Variants in TPST1 observed in about 807,000 individuals in gnomAD.
TPST1 encodes protein-tyrosine sulfotransferase 1.
In TPST1, 20 loss-of-function variants were observed where a neutral mutation model predicts 34.8. The ratio of observed to expected loss-of-function variants is 0.57; its 90% CI spans 0.40 to 0.84. The LOEUF (loss-of-function observed/expected upper bound fraction) is 0.84, where lower values mean the gene tolerates loss of function less well. Ranked by LOEUF, TPST1 falls within the 40% of genes least tolerant of loss-of-function variation. The pLI, the probability that TPST1 is intolerant of heterozygous loss-of-function variation, is 0.00. For synonymous variants in TPST1, 152 were observed against 159.4 expected (o/e 0.95, Z 0.35); for missense variants, 353 against 455.5 (o/e 0.78, Z 2.05).
chr7:66,270,713 T>C (rs1467070265), intron 2 of TPST1, among the ~76,000 whole-genome samples: 4 of 152,250 alleles, frequency 2.6e-5, no homozygotes, highest in African/African-American at 9.6e-5. Context: ...ATCGAACTGC[T>C]GATTATCCAG....
At chr7:66,203,578 C>A (rs540264342), upstream of TPST1, among the ~76,000 whole-genome samples, 1 of 151,800 alleles carries the variant, frequency 6.6e-6, no homozygotes, top group Admixed American at 6.6e-5. Context: ...CTCCACCTCC[C>A]GGGTTCACGC....
intron 5 of TPST1, 33 bp downstream of exon 5, chr7:66,356,904 G>C: frequency 3.7e-6 from 6 of 1,612,102 alleles, no homozygotes; most frequent in Non-Finnish European, 5.1e-6. Flanking sequence ...AGGTCTTTCT[G>C]TTTCCCACTC....
At chr7:66,267,820 A>G (rs986198497) in intron 2 of TPST1, among the ~76,000 whole-genome samples, 7 of 152,214 alleles carry the variant, frequency 4.6e-5, no homozygotes, top group African/African-American at 1.4e-4. Context: ...TCCTGCCCTT[A>G]TGGAACATAT....
upstream of TPST1, among the ~76,000 whole-genome samples, chr7:66,203,617 C>A (rs1222564170): frequency 6.6e-6 from 1 of 151,878 alleles, no homozygotes; most frequent in African/African-American, 2.4e-5. Flanking sequence ...TCCCGAGTAG[C>A]TGGGACTACA....
In TPST1 at chr7:66,268,925, C is replaced by T. The variant is rs59300847; in HGVS notation, c.846-17586C>T. ...GCTGAACTCCTGACTTCAGGTGATCCGCCTGCCTTGGCCTCCCAAAGTGCT... is the reference window on the plus strand; with the variant it reads ...GCTGAACTCCTGACTTCAGGTGATCTGCCTGCCTTGGCCTCCCAAAGTGCT... On this transcript the variant is annotated intron_variant, in intron 2 of 5. Coordinates refer to ENST00000304842, the MANE Select transcript of TPST1 (RefSeq NM_003596.4). 3.1e-3 allele frequency among the ~76,000 whole-genome samples: 469 copies of T among 152,240 alleles called. 2 individuals carry two copies. Among genetic ancestry groups the T allele is most frequent in the African/African-American group, 0.011 (448 of 41,544 alleles).
intron 3 of TPST1, among the ~76,000 whole-genome samples, chr7:66,319,884 C>A (rs142835515): frequency 0.013 from 2,029 of 152,194 alleles, 25 homozygotes; most frequent in Admixed American, 0.029. Context: ...TTTTTCTTTC[C>A]AGGGAGGCAT....
chr7:66,346,663 C>T (rs1211242245), intron 3 of TPST1, among the ~76,000 whole-genome samples: 2 of 152,146 alleles, frequency 1.3e-5, no homozygotes, highest in Non-Finnish European at 2.9e-5. Context: ...ATCTTTTGCC[C>T]ATTTTTTATT....
intron 1 of TPST1, among the ~76,000 whole-genome samples, chr7:66,221,395 GTT>G (rs2116288706): frequency 6.6e-6 from 1 of 152,290 alleles, no homozygotes; most frequent in South Asian, 2.1e-4. Flanking sequence ...AGGTTCCCTG[GTT>G]TTAAGCTTGA....
intron 3 of TPST1, among the ~76,000 whole-genome samples, chr7:66,324,820 A>ACC (rs1562845086): frequency 7.1e-6 from 1 of 139,984 alleles, no homozygotes; most frequent in African/African-American, 2.7e-5. Context: ...AAAAAAAAAA[A>ACC]AAAAAAAAAA....
intron 2 of TPST1, among the ~76,000 whole-genome samples, chr7:66,255,471 A>G (rs890835120): frequency 6.6e-6 from 1 of 152,244 alleles, no homozygotes; most frequent in African/African-American, 2.4e-5. Flanking sequence ...TCCCAATACC[A>G]ACAGTTAACT....
At position 66,286,688 on chromosome 7, in the gene TPST1, A is replaced by T; in HGVS notation, c.1023A>T (p.Lys341Asn). Reference sequence around the variant, plus strand: ...CTAACTACGGAAAACCTGATCCCAAAATTATTGAAAACACTCGAAGGGTAA... The same window carrying T: ...CTAACTACGGAAAACCTGATCCCAATATTATTGAAAACACTCGAAGGGTAA... Reference protein sequence around the residue: ...NPPNYGKPDPKIIENTRRVYK... With the variant: ...NPPNYGKPDPNIIENTRRVYK... The change falls in exon 3 of 6, where the codon AAA becomes AAT. Residue 341 changes from lysine to asparagine, a missense_variant. By Grantham distance (94) the Lys-to-Asn change is moderately conservative. Transcript: ENST00000304842. 1 of 1,578,164 alleles carries T rather than the reference A, an allele frequency of 6.3e-7. No individual in the cohort carries two copies. The highest frequency in any genetic ancestry group is 8.6e-7 in the Non-Finnish European group (1 of 1,160,550).
chr7:66,325,573 C>T (rs1053406724), intron 3 of TPST1, among the ~76,000 whole-genome samples: 6 of 151,514 alleles, frequency 4.0e-5, no homozygotes, highest in African/African-American at 1.2e-4. Flanking sequence ...CCCACCTCAC[C>T]CTCCTAAGTA....
intron 3 of TPST1, among the ~76,000 whole-genome samples, chr7:66,347,079 T>TTG (rs1475371334): frequency 7.7e-6 from 1 of 129,340 alleles, no homozygotes; most frequent in Non-Finnish European, 1.6e-5. Context: ...TTTTTTTTTT[T>TTG]TTTTTTGAGA....
At chr7:66,340,781 T>C (rs1294259870) in intron 3 of TPST1, among the ~76,000 whole-genome samples, 3 of 152,148 alleles carry the variant, frequency 2.0e-5, no homozygotes, top group Non-Finnish European at 4.4e-5. Context: ...ACTCATGGAT[T>C]AGAAGAATTA....
upstream of TPST1, among the ~76,000 whole-genome samples, chr7:66,203,776 C>T (rs1000196965): frequency 1.2e-4 from 18 of 152,044 alleles, no homozygotes; most frequent in Non-Finnish European, 2.4e-4. Context: ...TGAGCCACTG[C>T]ACCCGGCCAC....
intron 4 of TPST1, 77 bp from the exon 5 acceptor site, chr7:66,356,748 A>G (rs754587022): frequency 6.4e-7 from 1 of 1,559,568 alleles, no homozygotes; most frequent in Non-Finnish European, 8.8e-7. Flanking sequence ...GCCACCCCTC[A>G]TGTTTCAGTG....
intron 2 of TPST1, among the ~76,000 whole-genome samples, chr7:66,241,488 C>T (rs1790035307): frequency 6.6e-6 from 1 of 152,020 alleles, no homozygotes; most frequent in Admixed American, 6.6e-5. Context: ...ATTTATACTT[C>T]ATTTTTTCAT....
intron 3 of TPST1, among the ~76,000 whole-genome samples, chr7:66,306,495 C>T (rs562821817): frequency 6.6e-6 from 1 of 152,280 alleles, no homozygotes; most frequent in Non-Finnish European, 1.5e-5. Flanking sequence ...CCTGCTTGCT[C>T]TGACCAGAAA....
chr7:66,226,126 A>T (rs982448954), intron 1 of TPST1, among the ~76,000 whole-genome samples: 2 of 151,920 alleles, frequency 1.3e-5, no homozygotes, highest in African/African-American at 4.8e-5. Flanking sequence ...TGACCTCGTG[A>T]TCCGCCCGCC....
Sources: allele counts gnomAD v4.1 joint callset (sites outside exome capture counted in the v4.1 genomes callset), GRCh38; gene constraint gnomAD v4.1.1; transcripts MANE v1.5; gene names NCBI Gene and HGNC (gene_info 2026-07-23, HGNC 2026-07-21).